The following THAP4 variants were observed in gnomAD, a reference collection of about 807,000 sequenced individuals.
THAP4 encodes the protein THAP domain containing 4, also known as peroxynitrite isomerase THAP4.
THAP4 carries 18 observed loss-of-function variants against 48.1 expected under a neutral mutation model. The observed-to-expected ratio is 0.37, with a 90% CI of 0.26 to 0.56. The LOEUF (loss-of-function observed/expected upper bound fraction) is 0.56, where lower values mean the gene tolerates loss of function less well. THAP4 is among the 20% of genes least tolerant of loss of function. The probability of loss-of-function intolerance (pLI) is 0.78; values close to 1 mark genes in which losing one functional copy is unlikely to be tolerated. For synonymous variants in THAP4, 345 were observed against 324.9 expected (o/e 1.06, Z -0.66); for missense variants, 656 against 774.9 (o/e 0.85, Z 1.82).
Position 241,587,772 on chromosome 2 carries a change from G to A in THAP4, c.1615-3047C>T, listed in dbSNP as rs184683331. Among the ~76,000 whole-genome samples the A allele has an allele frequency of 9.5e-4, 145 of 152,016 alleles. 1 individual carries two copies. The highest frequency in any genetic ancestry group is 7.3e-3 in the Admixed American group (112 of 15,266). On this transcript the variant is annotated intron_variant, in intron 5 of 5. Transcript: ENST00000407315. ...AAAAAAAATCACTACAAAATTAGCC[G>A]GGTGTGGTGGCACATGCCTTTAATC...
chr2:241,628,736 C>CA (rs11411349), intron 2 of THAP4, among the ~76,000 whole-genome samples: 3,380 of 125,378 alleles, frequency 0.027, 225 homozygotes, highest in East Asian at 0.24. Context: ...CCCATCTCTA[C>CA]AAAAAAAAAA....
chr2:241,592,538 T>C (rs184394888), intron 5 of THAP4, among the ~76,000 whole-genome samples: 58 of 152,200 alleles, frequency 3.8e-4, no homozygotes, highest in Admixed American at 1.2e-3. Context: ...CATTGAGGCA[T>C]TGCTACCCTC....
At chr2:241,599,239 G>C (rs1487248517) in intron 5 of THAP4, among the ~76,000 whole-genome samples, 1 of 143,504 alleles carries the variant, frequency 7.0e-6, no homozygotes, top group Non-Finnish European at 1.5e-5. Context: ...GCAACAGATT[G>C]AGACTCTGTC....
rs777357202 is a variant in THAP4, at chr2:241,633,795, C to T, written c.362G>A (p.Ser121Asn). The T allele has an allele frequency of 8.1e-6, 13 of 1,613,748 alleles. No homozygotes were observed. In the South Asian group the frequency reaches 9.9e-5, roughly 12 times the overall value. The change falls in exon 2 of 6, where the codon AGC becomes AAC. Residue 121 changes from serine to asparagine, a missense_variant. Ser to Asn is a conservative substitution (Grantham distance 46). Coordinates refer to ENST00000407315, the MANE Select transcript of THAP4 (RefSeq NM_015963.6). This position sits in a 1 kb window ranked among gnomAD's most constrained non-coding sequence, Gnocchi z 7.5. ...GVRGHSSAAT[S>N]RGAAGWSPSS... is the part of the protein sequence containing the mutation. ...CGGTGACCAACCTGCAGCTCCTCTG[C>T]TGGTGGCGGCACTCGAGTGTCCCCT...
intron 5 of THAP4, among the ~76,000 whole-genome samples, chr2:241,596,432 G>A (rs1186131068): frequency 1.4e-5 from 2 of 142,314 alleles, no homozygotes; most frequent in African/African-American, 2.7e-5. Context: ...ACTTGAACCT[G>A]GGAGGCAGAG....
intron 2 of THAP4, among the ~76,000 whole-genome samples, chr2:241,608,883 C>T (rs1167055451): frequency 6.6e-6 from 1 of 152,252 alleles, no homozygotes; most frequent in Non-Finnish European, 1.5e-5. Flanking sequence ...ATCAGGGTCC[C>T]TGCAGCTACC....
upstream of THAP4, chr2:241,637,398 TCTGCCGCCTCGACAACTGCTC>T: frequency 7.0e-7 from 1 of 1,432,760 alleles, no homozygotes; most frequent in East Asian, 3.3e-5. Context: ...AGAGCTCGCC[TCTGCCGCCTCGACAACTGCTC>T]CTGGGTCCTC....
intron 2 of THAP4, among the ~76,000 whole-genome samples, chr2:241,611,745 TAAGA>T (rs1444562370): frequency 1.4e-5 from 2 of 144,420 alleles, no homozygotes; most frequent in Non-Finnish European, 3.0e-5. Context: ...AAAAAAAAAT[TAAGA>T]AAGAAAGGCA....
chr2:241,584,741 GA>G lies in THAP4; in HGVS notation c.1615-17del. ...TCCGGGTGATCTGAGCAGGAGAATG[GA>G]ACAAAGATAGCTTAGTTTTATCTTC... On this transcript the variant is annotated splice_polypyrimidine_tract_variant and intron_variant, in intron 5 of 5. Coordinates refer to ENST00000407315, the MANE Select transcript of THAP4 (RefSeq NM_015963.6). The G allele has an allele frequency of 6.2e-7, 1 of 1,614,136 alleles. No individual in the cohort carries two copies. The highest frequency in any genetic ancestry group is 1.1e-5 in the South Asian group (1 of 91,074).
intron 2 of THAP4, among the ~76,000 whole-genome samples, chr2:241,611,402 G>A (rs2067274053): frequency 6.6e-6 from 1 of 152,214 alleles, no homozygotes; most frequent in Admixed American, 6.5e-5. Flanking sequence ...ACCCGCCATA[G>A]AGAAGTAATG....
chr2:241,636,914 G>A, intron 1 of THAP4, 27 bp downstream of exon 1: 1 of 1,213,690 alleles, frequency 8.2e-7, no homozygotes, highest in East Asian at 7.0e-5. Flanking sequence ...GTCGGGGCGG[G>A]GGCGTGGCGG....
At position 241,603,085 on chromosome 2, in the gene THAP4, C is replaced by T. The variant is rs755379029; in HGVS notation, c.1401-6G>A. On this transcript the variant is annotated splice_region_variant and splice_polypyrimidine_tract_variant and intron_variant, in intron 3 of 5. Transcript: ENST00000407315. Reference sequence around the variant, plus strand: ...CCGGGTGGAAGGAGTTGAACCTGGACGGGAAGTTGGAGTTGAGAAGCCCAG... The same window carrying T: ...CCGGGTGGAAGGAGTTGAACCTGGATGGGAAGTTGGAGTTGAGAAGCCCAG... 6.8e-6 allele frequency: 11 copies of T among 1,612,602 alleles called. No individual in the cohort carries two copies. The highest frequency in any genetic ancestry group is 1.7e-5 in the Admixed American group (1 of 60,000).
chr2:241,615,362 C>A (rs1043191035), intron 2 of THAP4, among the ~76,000 whole-genome samples: 6 of 152,226 alleles, frequency 3.9e-5, no homozygotes, highest in African/African-American at 1.4e-4. Context: ...AAAAACCTCC[C>A]CAAACAAATT....
chr2:241,619,037 G>A (rs1346835125), intron 2 of THAP4, among the ~76,000 whole-genome samples: 1 of 152,190 alleles, frequency 6.6e-6, no homozygotes, highest in Admixed American at 6.5e-5. Context: ...GGAAAGACAC[G>A]TGTGAAGGTC....
intron 2 of THAP4, among the ~76,000 whole-genome samples, chr2:241,622,165 T>A (rs1012434755): frequency 6.6e-6 from 1 of 151,898 alleles, no homozygotes; most frequent in Non-Finnish European, 1.5e-5. Context: ...AGGTCAGGAG[T>A]TCGAGACCAG....
rs747439497 is a variant in THAP4 at position 241,584,705 on chromosome 2, C to T, written c.1635G>A (p.Leu545=). The change falls in exon 6 of 6, where the codon CTG becomes CTA. Residue 545 remains leucine (L), a synonymous_variant. Transcript: ENST00000407315. ...HVEQITRKFR[L]NSEGKLEQTV... is the part of the protein sequence containing the mutation. ...TCTGCTCAAGTTTGCCTTCAGAATT[C>T]AGCCTGAACTTCCGGGTGATCTGAG... The T allele has an allele frequency of 6.2e-7, 1 of 1,614,234 alleles. No homozygotes were observed. The highest frequency in any genetic ancestry group is 1.3e-5 in the African/African-American group (1 of 75,062).
At chr2:241,613,237 C>A (rs147530738) in intron 2 of THAP4, among the ~76,000 whole-genome samples, 1 of 141,698 alleles carries the variant, frequency 7.1e-6, no homozygotes. Flanking sequence ...GGAAATGATG[C>A]GGAAAGAAAC....
chr2:241,597,695 T>A (rs1377951004), intron 5 of THAP4, among the ~76,000 whole-genome samples: 1 of 152,184 alleles, frequency 6.6e-6, no homozygotes, highest in African/African-American at 2.4e-5. Flanking sequence ...CTGCCTTCTG[T>A]GTGTGCTTCC....
chr2:241,607,272 C>CA (rs1244489619), intron 2 of THAP4, among the ~76,000 whole-genome samples: 1 of 152,096 alleles, frequency 6.6e-6, no homozygotes, highest in Non-Finnish European at 1.5e-5. Flanking sequence ...TGGGCGAACT[C>CA]AAAGGGACCC....
Sources: allele counts gnomAD v4.1 joint callset (sites outside exome capture counted in the v4.1 genomes callset), GRCh38; gene constraint gnomAD v4.1.1; non-coding constraint Gnocchi (gnomAD v3.1); transcripts MANE v1.5; gene names NCBI Gene and HGNC (gene_info 2026-07-23, HGNC 2026-07-21).